CACNA2D3: variants seen among roughly 807,000 people sequenced by gnomAD.
The protein encoded by CACNA2D3 is calcium voltage-gated channel auxiliary subunit alpha2delta 3.
A neutral mutation model predicts 160.6 loss-of-function variants in CACNA2D3; 60 were observed. The ratio of observed to expected loss-of-function variants is 0.37; its 90% CI spans 0.30 to 0.46. CACNA2D3 has a LOEUF of 0.46. Ranked by LOEUF, CACNA2D3 falls within the 20% of genes least tolerant of loss-of-function variation. CACNA2D3 has a pLI of 1.00. For missense variants in CACNA2D3, 1,205 were observed against 1,365.0 expected (o/e 0.88, Z 1.85); for synonymous variants, 558 against 492.9 (o/e 1.13, Z -1.75).
At chr3:54,140,609 TTC>T (rs749882579) in intron 2 of CACNA2D3, among the ~76,000 whole-genome samples, 1 of 152,202 alleles carries the variant, frequency 6.6e-6, no homozygotes. Flanking sequence ...GAGTCCAGGC[TTC>T]GTGTTCAGAC....
At chr3:55,028,944 G>A (rs1028018639) in intron 35 of CACNA2D3, among the ~76,000 whole-genome samples, 2 of 152,146 alleles carry the variant, frequency 1.3e-5, no homozygotes, top group Admixed American at 6.5e-5. Context: ...TATCTGCTAA[G>A]CTGAAAGAAA....
intron 2 of CACNA2D3, among the ~76,000 whole-genome samples, chr3:54,265,616 ATATATATATAGTGTG>A (rs1189834980): frequency 1.7e-4 from 25 of 143,158 alleles, no homozygotes; most frequent in East Asian, 4.7e-4. Flanking sequence ...TATAGTGTGT[ATATATATATAGTGTG>A]TATATATATA....
At chr3:54,983,315 A>T (rs920400542) in intron 29 of CACNA2D3, among the ~76,000 whole-genome samples, 2 of 152,230 alleles carry the variant, frequency 1.3e-5, no homozygotes, top group African/African-American at 4.8e-5. Context: ...AATTTTAATT[A>T]AGTTGAAATT....
intron 4 of CACNA2D3, among the ~76,000 whole-genome samples, chr3:54,498,397 C>CT (rs1326513276): frequency 6.6e-6 from 1 of 151,880 alleles, no homozygotes; most frequent in Non-Finnish European, 1.5e-5. Context: ...TTCCCTTATC[C>CT]TTTCATTATC....
intron 4 of CACNA2D3, among the ~76,000 whole-genome samples, chr3:54,425,445 G>C (rs929307504): frequency 1.3e-5 from 2 of 152,190 alleles, no homozygotes; most frequent in African/African-American, 4.8e-5. Context: ...CTGATACACA[G>C]GTTAAGGATA....
chr3:54,281,421 G>A (rs1702878596), intron 2 of CACNA2D3, among the ~76,000 whole-genome samples: 1 of 152,166 alleles, frequency 6.6e-6, no homozygotes, highest in Non-Finnish European at 1.5e-5. Flanking sequence ...ATAGAGGCCT[G>A]GTGAACCCTC....
At chr3:54,518,328 G>T (rs554637848) in intron 5 of CACNA2D3, among the ~76,000 whole-genome samples, 1 of 152,262 alleles carries the variant, frequency 6.6e-6, no homozygotes, top group East Asian at 1.9e-4. Context: ...AGAAAGAATG[G>T]CAAGGAATGG....
At chr3:54,229,062 G>T (rs1701723378) in intron 2 of CACNA2D3, among the ~76,000 whole-genome samples, 1 of 152,170 alleles carries the variant, frequency 6.6e-6, no homozygotes, top group Admixed American at 6.5e-5. Flanking sequence ...CAACAACACT[G>T]CTGGAAGGCT....
intron 9 of CACNA2D3, among the ~76,000 whole-genome samples, chr3:54,582,475 G>A (rs1702694260): frequency 6.6e-6 from 1 of 152,240 alleles, no homozygotes; most frequent in South Asian, 2.1e-4. Flanking sequence ...GTAGACTTCT[G>A]TAAAATAAAT....
intron 2 of CACNA2D3, among the ~76,000 whole-genome samples, chr3:54,242,370 G>C (rs1204785814): frequency 6.6e-6 from 1 of 152,210 alleles, no homozygotes; most frequent in Non-Finnish European, 1.5e-5. Flanking sequence ...TTGAATCTGG[G>C]AGGCAGAGGT....
At chr3:54,142,714 A>G (rs1379591080) in intron 2 of CACNA2D3, among the ~76,000 whole-genome samples, 1 of 152,014 alleles carries the variant, frequency 6.6e-6, no homozygotes, top group Non-Finnish European at 1.5e-5. Context: ...TGAGCAAGCT[A>G]CTCTATTACC....
chr3:54,467,164 C>G (rs113589275), intron 4 of CACNA2D3, among the ~76,000 whole-genome samples: 140 of 152,240 alleles, frequency 9.2e-4, no homozygotes, highest in African/African-American at 3.2e-3. Flanking sequence ...GATGATTTGT[C>G]TCCAGGAAAA....
At chr3:54,627,927 G>A in intron 10 of CACNA2D3, 51 bp downstream of exon 10, 4 of 1,272,474 alleles carry the variant, frequency 3.1e-6, no homozygotes, top group South Asian at 1.3e-5. Flanking sequence ...ATAGATGGGT[G>A]TTGTTTTAGA....
chr3:54,823,375 A>C (rs897255647), intron 14 of CACNA2D3, among the ~76,000 whole-genome samples: 21 of 150,614 alleles, frequency 1.4e-4, no homozygotes, highest in African/African-American at 4.9e-4. Context: ...TTTTATTATT[A>C]ACTTTTTTAA....
chr3:54,254,626 G>T (rs1424190132), intron 2 of CACNA2D3, among the ~76,000 whole-genome samples: 1 of 152,172 alleles, frequency 6.6e-6, no homozygotes, highest in Non-Finnish European at 1.5e-5. Context: ...TTCTTCAGAG[G>T]ATTAAATGCT....
At chr3:54,192,978 A>T (rs1256136079) in intron 2 of CACNA2D3, among the ~76,000 whole-genome samples, 1 of 152,180 alleles carries the variant, frequency 6.6e-6, no homozygotes, top group Non-Finnish European at 1.5e-5. Context: ...CTATCCTTCA[A>T]ATGTCTTTTC....
chr3:54,461,036 TG>T (rs1389912843), intron 4 of CACNA2D3, among the ~76,000 whole-genome samples: 7 of 147,762 alleles, frequency 4.7e-5, no homozygotes, highest in African/African-American at 7.8e-5. Flanking sequence ...GAGATAATCA[TG>T]TTGTTTTTGT....
chr3:54,732,712 T>A (rs3852006), intron 11 of CACNA2D3, among the ~76,000 whole-genome samples: 33,513 of 152,066 alleles, frequency 0.22, 3,920 homozygotes, highest in Admixed American at 0.29. Flanking sequence ...CCTTAGGAAG[T>A]CCCACTGAAT....
intron 11 of CACNA2D3, among the ~76,000 whole-genome samples, chr3:54,665,904 C>T (rs557548801): frequency 4.6e-5 from 7 of 151,638 alleles, no homozygotes; most frequent in Non-Finnish European, 7.4e-5. Flanking sequence ...CAGGTTCAAG[C>T]GATACTCCTA....
Sources: gnomAD v4.1 joint callset for allele counts (sites outside exome capture counted in the v4.1 genomes callset) on GRCh38, gnomAD v4.1.1 for gene constraint, MANE v1.5 for transcripts, NCBI Gene and HGNC (gene_info 2026-07-23, HGNC 2026-07-21) for gene names.